GALNT17: variants seen among roughly 807,000 people sequenced by gnomAD.
GALNT17 encodes UDP-GalNAc:polypeptide N-acetylgalactosaminyltransferase-like 3.
GALNT17 carries 29 observed loss-of-function variants against 63.7 expected under a neutral mutation model. The observed-to-expected ratio is 0.46, with a 90% confidence interval of 0.34 to 0.62. GALNT17 has a LOEUF of 0.62. Among genes scored for constraint, GALNT17 ranks in the 20% least tolerant of loss-of-function variants. The pLI is 0.01. For missense variants in GALNT17, 603 were observed against 799.6 expected (o/e 0.75, Z 2.97); for synonymous variants, 305 against 318.3 (o/e 0.96, Z 0.45).
At chr7:71,261,141 G>A (rs1215576247) in intron 1 of GALNT17, among the ~76,000 whole-genome samples, 1 of 152,162 alleles carries the variant, frequency 6.6e-6, no homozygotes, top group Non-Finnish European at 1.5e-5. Context: ...TCTGGGTGGG[G>A]TCAGGCACTA....
intron 5 of GALNT17, among the ~76,000 whole-genome samples, chr7:71,531,708 G>C (rs1788723904): frequency 6.6e-6 from 1 of 152,106 alleles, no homozygotes; most frequent in Non-Finnish European, 1.5e-5. Context: ...TCCCACCTCA[G>C]CCTCCCAAGT....
intron 6 of GALNT17, among the ~76,000 whole-genome samples, chr7:71,660,057 A>T (rs534489337): frequency 6.6e-6 from 1 of 152,250 alleles, no homozygotes; most frequent in East Asian, 1.9e-4. Context: ...TTGCTAGATT[A>T]TCCACTTCAT....
intron 1 of GALNT17, among the ~76,000 whole-genome samples, chr7:71,286,508 C>G (rs1235926940): frequency 6.6e-6 from 1 of 152,144 alleles, no homozygotes; most frequent in African/African-American, 2.4e-5. Context: ...CAGTATTATT[C>G]CCGTTCGCAA....
intron 1 of GALNT17, among the ~76,000 whole-genome samples, chr7:71,295,911 T>C (rs1159527902): frequency 2.0e-5 from 3 of 151,690 alleles, no homozygotes; most frequent in Non-Finnish European, 2.9e-5. Context: ...TGCCTTTCTT[T>C]CTTGGGTTTT....
intron 1 of GALNT17, among the ~76,000 whole-genome samples, chr7:71,246,642 A>C (rs1366675985): frequency 2.6e-5 from 4 of 151,648 alleles, no homozygotes; most frequent in Non-Finnish European, 5.9e-5. Flanking sequence ...CATCCTGGCT[A>C]ACACGGTGAA....
At chr7:71,160,755 G>A (rs777955768) in intron 1 of GALNT17, among the ~76,000 whole-genome samples, 24 of 152,160 alleles carry the variant, frequency 1.6e-4, no homozygotes, top group African/African-American at 5.3e-4. Flanking sequence ...CACCGCGCAC[G>A]GCCACGAACA....
chr7:71,334,114 G>A (rs141026264), intron 1 of GALNT17, among the ~76,000 whole-genome samples: 1 of 152,254 alleles, frequency 6.6e-6, no homozygotes, highest in Non-Finnish European at 1.5e-5. Context: ...CATATTGGAC[G>A]GTGGAAATGA....
At chr7:71,189,325 T>C (rs1383586758) in intron 1 of GALNT17, among the ~76,000 whole-genome samples, 1 of 152,216 alleles carries the variant, frequency 6.6e-6, no homozygotes, top group Admixed American at 6.5e-5. Flanking sequence ...ATTAAACCTC[T>C]TTTTCTTTAT....
chr7:71,667,961 T>A (rs979908359), intron 7 of GALNT17, among the ~76,000 whole-genome samples: 8 of 152,088 alleles, frequency 5.3e-5, no homozygotes, highest in African/African-American at 1.4e-4. Flanking sequence ...CCTCTACCTG[T>A]CTAACTTCCG....
intron 5 of GALNT17, among the ~76,000 whole-genome samples, chr7:71,568,610 T>G (rs1366235826): frequency 6.6e-6 from 1 of 152,112 alleles, no homozygotes; most frequent in African/African-American, 2.4e-5. Context: ...GTTAATTTGC[T>G]TAGGATAGTG....
intron 5 of GALNT17, among the ~76,000 whole-genome samples, chr7:71,457,579 A>G (rs1318744552): frequency 2.0e-5 from 3 of 152,192 alleles, no homozygotes; most frequent in Admixed American, 2.0e-4. Flanking sequence ...TATGCTAAAC[A>G]AGGGGTGGAT....
chr7:71,600,379 G>A (rs1256993948), intron 6 of GALNT17, among the ~76,000 whole-genome samples: 3 of 128,336 alleles, frequency 2.3e-5, no homozygotes, highest in African/African-American at 3.6e-5. Context: ...ATATTGAACT[G>A]GGGAACCAGA....
At chr7:71,463,726 A>G (rs758100161) in intron 5 of GALNT17, among the ~76,000 whole-genome samples, 28 of 152,112 alleles carry the variant, frequency 1.8e-4, no homozygotes, top group Non-Finnish European at 3.1e-4. Context: ...ACATAGGGTA[A>G]CTTCCGGGCA....
intron 3 of GALNT17, among the ~76,000 whole-genome samples, chr7:71,405,179 T>C (rs1321404539): frequency 6.6e-6 from 1 of 152,230 alleles, no homozygotes; most frequent in African/African-American, 2.4e-5. Flanking sequence ...ACAGCAGCTT[T>C]GTATTAGCAG....
At chr7:71,246,024 C>T (rs777731164) in intron 1 of GALNT17, among the ~76,000 whole-genome samples, 2 of 151,428 alleles carry the variant, frequency 1.3e-5, no homozygotes, top group African/African-American at 4.8e-5. Context: ...AGTAATCTTC[C>T]TTCTGGGAAT....
At chr7:71,404,567 C>T (rs1455372982) in intron 3 of GALNT17, among the ~76,000 whole-genome samples, 1 of 152,214 alleles carries the variant, frequency 6.6e-6, no homozygotes, top group Non-Finnish European at 1.5e-5. Context: ...CAGCCACCTC[C>T]TGGGTTATTT....
rs1202641 is a variant in GALNT17 at position 71,277,482 on chromosome 7, C to T, written c.239-58068C>T. On this transcript the variant is annotated intron_variant, in intron 1 of 10. Coordinates refer to ENST00000333538, the MANE Select transcript of GALNT17 (RefSeq NM_022479.3). ...AACATGCCTGCACATGGACCCTGAACCTAAAATTGAAGAAAACAAAATATA... is the reference window on the plus strand; with the variant it reads ...AACATGCCTGCACATGGACCCTGAATCTAAAATTGAAGAAAACAAAATATA... 3.0e-3 allele frequency among the ~76,000 whole-genome samples: 453 copies of T among 152,038 alleles called. 3 individuals are homozygous for T. Among genetic ancestry groups the T allele is most frequent in the African/African-American group, 0.01 (419 of 41,452 alleles).
At chr7:71,433,905 T>C (rs1251405598) in intron 5 of GALNT17, among the ~76,000 whole-genome samples, 1 of 152,042 alleles carries the variant, frequency 6.6e-6, no homozygotes, top group Non-Finnish European at 1.5e-5. Flanking sequence ...CCTCAATCTG[T>C]TTGGGCACCA....
intron 4 of GALNT17, among the ~76,000 whole-genome samples, chr7:71,419,706 C>T (rs540219923): frequency 6.6e-6 from 1 of 152,238 alleles, no homozygotes; most frequent in African/African-American, 2.4e-5. Context: ...TGGTCTAAGC[C>T]TCCTTAGATG....
Sources: gnomAD v4.1 joint callset for allele counts (sites outside exome capture counted in the v4.1 genomes callset) on GRCh38, gnomAD v4.1.1 for gene constraint, MANE v1.5 for transcripts, NCBI Gene and HGNC (gene_info 2026-07-23, HGNC 2026-07-21) for gene names.